L3MBTL4: variants seen among roughly 807,000 people sequenced by gnomAD.
L3MBTL4 encodes L3MBTL histone methyl-lysine binding protein 4.
A neutral mutation model predicts 84.5 loss-of-function variants in L3MBTL4; 70 were observed. That is an observed-to-expected ratio of 0.83 (90% CI 0.68 to 1.01). The LOEUF is 1.01. Among genes scored for constraint, L3MBTL4 ranks in the 50% least tolerant of loss-of-function variants. The pLI, the probability that L3MBTL4 is intolerant of heterozygous loss-of-function variation, is 0.00. For missense variants in L3MBTL4, 715 were observed against 754.8 expected (o/e 0.95, Z 0.62); for synonymous variants, 274 against 259.8 (o/e 1.05, Z -0.52).
chr18:6,037,595 A>G (rs571744049), intron 16 of L3MBTL4, among the ~76,000 whole-genome samples: 348 of 152,374 alleles, frequency 2.3e-3, no homozygotes, highest in African/African-American at 8.2e-3. Flanking sequence ...AGTATAATGC[A>G]AGACTAGAAA....
chr18:5,998,660 T>A (rs935826091), intron 16 of L3MBTL4, among the ~76,000 whole-genome samples: 1 of 152,190 alleles, frequency 6.6e-6, no homozygotes, highest in African/African-American at 2.4e-5. Flanking sequence ...TCCACCAGAC[T>A]TCTCTAAGTC....
chr18:6,321,961 C>G (rs1430787260), intron 1 of L3MBTL4, among the ~76,000 whole-genome samples: 1 of 152,062 alleles, frequency 6.6e-6, no homozygotes, highest in Non-Finnish European at 1.5e-5. Context: ...GTACACTACT[C>G]AGGTAATGGA....
At chr18:6,187,330 C>T (rs2044823529) in intron 12 of L3MBTL4, among the ~76,000 whole-genome samples, 3 of 152,114 alleles carry the variant, frequency 2.0e-5, no homozygotes, top group Admixed American at 6.5e-5. Context: ...CAAGTGCCTA[C>T]AGGATATCTA....
In L3MBTL4 at chr18:5,970,489, T is replaced by C. The variant is rs4797236; in HGVS notation, c.1445-927A>G. ...GTCTCAATTCCCTAATTATTTAGTT[T>C]AAATCTACAAATGGATAAGGAGCAA... On this transcript the variant is annotated intron_variant, in intron 16 of 18. Coordinates refer to ENST00000317931, the MANE Select transcript of L3MBTL4 (RefSeq NM_001330559.2). Among the ~76,000 whole-genome samples the C allele has an allele frequency of 0.02, 3,036 of 152,282 alleles. 205 individuals carry two copies. In the East Asian group the frequency reaches 0.24, roughly 12 times the overall value.
intron 16 of L3MBTL4, among the ~76,000 whole-genome samples, chr18:6,010,146 G>A (rs1408701105): frequency 6.6e-6 from 1 of 151,684 alleles, no homozygotes; most frequent in Non-Finnish European, 1.5e-5. Context: ...TTTTTTTAAG[G>A]TGGTAAACTG....
At chr18:6,077,701 A>G (rs2057906390) in intron 16 of L3MBTL4, among the ~76,000 whole-genome samples, 1 of 151,292 alleles carries the variant, frequency 6.6e-6, no homozygotes, top group African/African-American at 2.5e-5. Flanking sequence ...ATAGAGCACA[A>G]ATTTTAGCCC....
At position 6,152,505 on chromosome 18, in the gene L3MBTL4, A is replaced by G. The variant is rs75455093; in HGVS notation, c.1097-14209T>C. ...AATTAGTGATGCTGAGCACCTTTTC[A>G]TACAGCTATGGCCCTGCTGTCCATC... On this transcript the variant is annotated intron_variant, in intron 13 of 18. Coordinates refer to ENST00000317931, the MANE Select transcript of L3MBTL4 (RefSeq NM_001330559.2). Among the ~76,000 whole-genome samples, 43 of 152,268 alleles carry G rather than the reference A, an allele frequency of 2.8e-4. No homozygotes were observed. In the East Asian group the frequency reaches 5.6e-3, roughly 20 times the overall value.
At chr18:6,240,064 C>T (rs1599295081) in intron 8 of L3MBTL4, among the ~76,000 whole-genome samples, 192 bp from the exon 9 acceptor site, 1 of 152,166 alleles carries the variant, frequency 6.6e-6, no homozygotes. Context: ...ATAACAAAGG[C>T]CCAGGAAACT....
chr18:6,340,174 T>A (rs2052539675), intron 1 of L3MBTL4, among the ~76,000 whole-genome samples: 1 of 152,130 alleles, frequency 6.6e-6, no homozygotes, highest in Non-Finnish European at 1.5e-5. Context: ...GAGGGAGGGA[T>A]GTAAGCAAGA....
intron 16 of L3MBTL4, among the ~76,000 whole-genome samples, chr18:5,995,381 T>A (rs2053910978): frequency 6.6e-6 from 1 of 152,240 alleles, no homozygotes; most frequent in Admixed American, 6.5e-5. Flanking sequence ...TGAACCATTT[T>A]TTTTTCTTAT....
chr18:6,105,222 G>A (rs1262102352), intron 14 of L3MBTL4, among the ~76,000 whole-genome samples: 5 of 118,338 alleles, frequency 4.2e-5, no homozygotes, highest in African/African-American at 1.7e-4. Flanking sequence ...ACAGAATCTC[G>A]CTCTGTCTCC....
chr18:6,073,658 A>G (rs1033967890), intron 16 of L3MBTL4, among the ~76,000 whole-genome samples: 13 of 152,320 alleles, frequency 8.5e-5, no homozygotes, highest in Middle Eastern at 6.8e-3. Flanking sequence ...CATGGTAGTC[A>G]GGGGGTATAA....
intron 1 of L3MBTL4, among the ~76,000 whole-genome samples, chr18:6,377,090 C>T (rs898466108): frequency 7.9e-5 from 12 of 152,158 alleles, no homozygotes; most frequent in African/African-American, 2.9e-4. Context: ...TTCTCTGATC[C>T]TCACCTGGCC....
chr18:6,072,607 G>A (rs1027678667), intron 16 of L3MBTL4, among the ~76,000 whole-genome samples: 2 of 151,000 alleles, frequency 1.3e-5, no homozygotes, highest in Admixed American at 6.6e-5. Context: ...CTGGGAGGCC[G>A]AGGCGGGTGA....
chr18:6,227,215 G>A (rs971723593), intron 10 of L3MBTL4, among the ~76,000 whole-genome samples: 10 of 152,100 alleles, frequency 6.6e-5, no homozygotes, highest in Non-Finnish European at 1.0e-4. Flanking sequence ...TCCTCTCTCA[G>A]TAATCAATGG....
At chr18:6,124,898 G>GTA (rs2059639250) in intron 14 of L3MBTL4, among the ~76,000 whole-genome samples, 1 of 151,236 alleles carries the variant, frequency 6.6e-6, no homozygotes, top group Non-Finnish European at 1.5e-5. Flanking sequence ...AAAAATGGAA[G>GTA]GAAAAAAAGA....
At chr18:6,301,771 A>G (rs2050349019) in intron 4 of L3MBTL4, 132 bp downstream of exon 4, 1 of 744,452 alleles carries the variant, frequency 1.3e-6, no homozygotes, top group African/African-American at 1.8e-5. Flanking sequence ...AGTATGCAAT[A>G]CCCTGAATAA....
intron 14 of L3MBTL4, among the ~76,000 whole-genome samples, chr18:6,114,133 G>A (rs184364832): frequency 1.4e-3 from 215 of 152,302 alleles, no homozygotes; most frequent in African/African-American, 4.8e-3. Flanking sequence ...TAAACATACA[G>A]ATTCAGATGA....
At chr18:6,032,134 C>T (rs556366423) in intron 16 of L3MBTL4, 6 of 263,348 alleles carry the variant, frequency 2.3e-5, no homozygotes, top group Admixed American at 6.1e-5. Flanking sequence ...CCCGCCACCA[C>T]GCCTGGCTAA....
Sources: allele counts gnomAD v4.1 joint callset (sites outside exome capture counted in the v4.1 genomes callset), GRCh38; gene constraint gnomAD v4.1.1; transcripts MANE v1.5; gene names NCBI Gene and HGNC (gene_info 2026-07-23, HGNC 2026-07-21).